The following SCAF1 variants were observed in gnomAD, a reference collection of about 807,000 sequenced individuals.
SCAF1 encodes the protein splicing factor, arginine/serine-rich 19.
In SCAF1, 28 loss-of-function variants were observed where a neutral mutation model predicts 91.2. The ratio of observed to expected loss-of-function variants is 0.31; its 90% CI spans 0.23 to 0.42. The LOEUF is 0.42. Ranked by LOEUF, SCAF1 falls within the 10% of genes least tolerant of loss-of-function variation. The pLI, the probability that SCAF1 is intolerant of heterozygous loss-of-function variation, is 1.00. For missense variants in SCAF1, 1,893 were observed against 1,872.1 expected (o/e 1.01, Z -0.21); for synonymous variants, 1,036 against 833.7 (o/e 1.24, Z -4.18).
rs2081117163 is a variant in SCAF1 at position 49,653,473 on chromosome 19, A to G, written c.3084A>G (p.Glu1028=). The G allele has an allele frequency of 1.9e-6, 3 of 1,555,624 alleles. No individual in the cohort carries two copies. The highest frequency in any genetic ancestry group is 1.4e-5 in the African/African-American group (1 of 73,994). The stretch of plus-strand genomic sequence containing the variant: ...GGGCGGAGGAGGAGGAGGAGGAAGA[A>G]GAAGAGGAGGAGGAAGAGGAAGAGG... ...RGGAEEEEEE[E]EEEEEEEEEE... The change falls in exon 7 of 11, where the codon GAA becomes GAG. Residue 1028 remains glutamate, a synonymous_variant. Transcript: ENST00000360565.
intron 8 of SCAF1, 38 bp from the exon 9 acceptor site, chr19:49,654,614 C>T: frequency 6.6e-7 from 1 of 1,517,726 alleles, no homozygotes; most frequent in Non-Finnish European, 9.1e-7. Context: ...TCCCCTCCAC[C>T]TCCCTTTACT....
chr19:49,653,047 G>A lies in SCAF1; in HGVS notation c.2658G>A (p.Glu886=). ...FLKPDERAPT[E]MAKAAPGSTK... ...AACCTGACGAGCGGGCCCCCACTGA[G>A]ATGGCCAAAGCAGCTCCGGGCAGCA... is the stretch of plus-strand genomic sequence containing the variant. The change falls in exon 7 of 11, where the codon GAG becomes GAA. Residue 886 remains glutamate, a synonymous_variant. Transcript: ENST00000360565. The A allele has an allele frequency of 6.2e-7, 1 of 1,614,064 alleles. No individual in the cohort carries two copies.
At position 49,642,412 on chromosome 19, in the gene SCAF1, G is replaced by T. The variant is rs1476414251; in HGVS notation, c.-7+170G>T. ...TGCGGCGAAACCTGGCGCCGAGAGGGGGGCCTTCTCAGGGCCCCGGGACGC... is the reference window on the plus strand; with the variant it reads ...TGCGGCGAAACCTGGCGCCGAGAGGTGGGCCTTCTCAGGGCCCCGGGACGC... On this transcript the variant is annotated intron_variant, in intron 1 of 10. Transcript: ENST00000360565. The surrounding 1 kb of genome is among the most constrained non-coding windows in gnomAD (Gnocchi z 4.0). Among the ~76,000 whole-genome samples the T allele has an allele frequency of 6.6e-6, 1 of 152,176 alleles. No homozygotes were observed. Among genetic ancestry groups the T allele is most frequent in the Non-Finnish European group, 1.5e-5 (1 of 68,024 alleles).
rs564664475 is a variant in SCAF1 at position 49,656,082 on chromosome 19, T to C, written c.3618+1212T>C. Among the ~76,000 whole-genome samples, 12 of 152,376 alleles carry C rather than the reference T, an allele frequency of 7.9e-5. No individual in the cohort carries two copies. In the East Asian group the frequency reaches 2.3e-3, roughly 29 times the overall value. On this transcript the variant is annotated intron_variant, in intron 9 of 10. Coordinates refer to ENST00000360565, the MANE Select transcript of SCAF1 (RefSeq NM_021228.3). ...GCTGTATAAACCCCATTAAACATCC[T>C]GTGTGAGCCGCAGAGGCGGGGCTGC...
chr19:49,647,036 G>A (rs150196364), intron 6 of SCAF1, among the ~76,000 whole-genome samples: 176 of 152,344 alleles, frequency 1.2e-3, no homozygotes, highest in African/African-American at 4.1e-3. Context: ...AGTGGTCAGC[G>A]TGTGTGACAA....
At position 49,646,257 on chromosome 19, in the gene SCAF1, A is replaced by AT; in HGVS notation, c.261+56dup. 1 of 780,384 alleles carries AT rather than the reference A, an allele frequency of 1.3e-6. No individual in the cohort carries two copies. The highest frequency in any genetic ancestry group is 1.9e-6 in the Non-Finnish European group (1 of 518,028). The allele number at this position is 780,384 out of a possible 1,614,324, so 48.3% of individuals were successfully genotyped here. ...GCTCACGGGTATCAGGGAGGAAGGG[A>AT]TGGGGGCCTGAGTCTGGGGGAATGG... On this transcript the variant is annotated intron_variant, in intron 4 of 10. Transcript: ENST00000360565. The surrounding 1 kb of genome is among the most constrained non-coding windows in gnomAD (Gnocchi z 5.6).
At position 49,654,398 on chromosome 19, in the gene SCAF1, G is replaced by C. The variant is rs757808830; in HGVS notation, c.3366G>C (p.Ala1122=). ...KMEEANLASR[A]KAQELIQATN... ...AAGAAGCCAACCTGGCGAGCCGAGC[G>C]AAGGCCCAGGAGCTGATCCAGGCCA... is the stretch of plus-strand genomic sequence containing the variant. Residue 1122 remains alanine (A), a synonymous_variant, in exon 8 of 11, where the codon GCG becomes GCC. Coordinates refer to ENST00000360565, the MANE Select transcript of SCAF1 (RefSeq NM_021228.3). 3.1e-6 allele frequency: 5 copies of C among 1,613,474 alleles called. No homozygotes were observed. Among genetic ancestry groups the C allele is most frequent in the Non-Finnish European group, 4.2e-6 (5 of 1,179,992 alleles).
At position 49,646,791 on chromosome 19, in the gene SCAF1, C is replaced by T; in HGVS notation, c.439C>T (p.Leu147=). Residue 147 remains leucine, a synonymous_variant, in exon 6 of 11, where the codon CTG becomes TTG. Coordinates refer to ENST00000360565, the MANE Select transcript of SCAF1 (RefSeq NM_021228.3). The surrounding 1 kb of genome is among the most constrained non-coding windows in gnomAD (Gnocchi z 5.6). ...TCCCATCCCTCTGCCTGTGCCCAGC[C>T]TGCTGCCCCGTCTCAGGGCCTGGAG... ...RDPIPLPVPS[L]LPRLRAWRTG... 1 of 1,613,624 alleles carries T rather than the reference C, an allele frequency of 6.2e-7. No homozygotes were observed. Among genetic ancestry groups the T allele is most frequent in the South Asian group, 1.1e-5 (1 of 91,028 alleles).
chr19:49,655,435 C>T (rs893637732), intron 9 of SCAF1, among the ~76,000 whole-genome samples: 1 of 152,172 alleles, frequency 6.6e-6, no homozygotes, highest in African/African-American at 2.4e-5. Flanking sequence ...GGTGCCATCT[C>T]GGCTCACTGC....
At chr19:49,650,777 G>A (rs2081080341) in intron 6 of SCAF1, 91 bp from the exon 7 acceptor site, 2 of 982,400 alleles carry the variant, frequency 2.0e-6, no homozygotes, top group African/African-American at 3.3e-5. Flanking sequence ...AGGACCTGGT[G>A]GCCCAGGGAG....
At chr19:49,644,978 C>T in intron 1 of SCAF1, 43 bp from the exon 2 acceptor site, 2 of 1,429,192 alleles carry the variant, frequency 1.4e-6, no homozygotes, top group Non-Finnish European at 9.8e-7. Context: ...TCCATCCTTT[C>T]TCCCGGGACC....
intron 9 of SCAF1, among the ~76,000 whole-genome samples, chr19:49,656,912 C>T (rs745641646): frequency 9.2e-5 from 14 of 152,164 alleles, no homozygotes; most frequent in Non-Finnish European, 1.6e-4. Flanking sequence ...TCCAACACTT[C>T]GCAAGGCCGA....
rs750159980 is a variant in SCAF1 at position 49,651,106 on chromosome 19, T to A, written c.717T>A (p.Ser239=). 1.3e-5 allele frequency: 20 copies of A among 1,589,254 alleles called. No individual in the cohort carries two copies. The South Asian group carries it at 2.1e-4, about 17-fold the overall frequency. The change falls in exon 7 of 11, where the codon TCT becomes TCA. Residue 239 remains serine, a synonymous_variant. Coordinates refer to ENST00000360565, the MANE Select transcript of SCAF1 (RefSeq NM_021228.3). ...DPFHPTDEAY[S]PPPAPEQKYD... ...TCCACCCCACCGACGAGGCCTACTCTCCACCGCCTGCTCCGGAGCAAAAGT... is the reference window on the plus strand; with the variant it reads ...TCCACCCCACCGACGAGGCCTACTCACCACCGCCTGCTCCGGAGCAAAAGT...
rs563732230 is a variant in SCAF1 at position 49,658,375 on chromosome 19, G to A, written c.3915G>A (p.Pro1305=). The change falls in exon 11 of 11, where the codon CCG becomes CCA. Residue 1305 remains proline, a synonymous_variant. Transcript: ENST00000360565. ...KEPGPPDKGG[P]GLPLPPL ...CAGGGCCCCCAGACAAGGGTGGCCC[G>A]GGCCTGCCCCTGCCCCCTCTCTGAG... 38 of 1,553,292 alleles carry A rather than the reference G, an allele frequency of 2.4e-5. No homozygotes were observed. In the East Asian group the frequency reaches 6.0e-4, roughly 25 times the overall value.
Position 49,653,011 on chromosome 19 carries a change from C to T in SCAF1, c.2622C>T (p.Ser874=). Residue 874 remains serine, a synonymous_variant, in exon 7 of 11, where the codon TCC becomes TCT. Coordinates refer to ENST00000360565, the MANE Select transcript of SCAF1 (RefSeq NM_021228.3). ...TCAGCCGTGACCGCGAGAGTCGCTC[C>T]CCCTTCCTCAAACCTGACGAGCGGG... is the stretch of plus-strand genomic sequence containing the variant. The part of the protein sequence containing the change: ...VKFSRDRESR[S]PFLKPDERAP... 2 of 1,614,018 alleles carry T rather than the reference C, an allele frequency of 1.2e-6. No homozygotes were observed. Among genetic ancestry groups the T allele is most frequent in the Non-Finnish European group, 1.7e-6 (2 of 1,180,054 alleles).
Position 49,653,142 on chromosome 19 carries a change from C to T in SCAF1, c.2753C>T (p.Thr918Ile), listed in dbSNP as rs1296070171. ...AAAACCAAGGGGACCAAGGGAAAGACCAAGCCATCCAAGACCAGGAAAAAG... is the reference window on the plus strand; with the variant it reads ...AAAACCAAGGGGACCAAGGGAAAGATCAAGCCATCCAAGACCAGGAAAAAG... ...AKKTKGTKGKTKPSKTRKKVR... is the reference protein window; with the variant it reads ...AKKTKGTKGKIKPSKTRKKVR... The change falls in exon 7 of 11, where the codon ACC becomes ATC. Residue 918 changes from threonine (T) to isoleucine (I), a missense_variant. By Grantham distance (89) the Thr-to-Ile change is moderately conservative. Around this residue, in one of 5 missense-constraint regions of SCAF1, gnomAD observed 1,436 missense variants for 1,306.8 expected, o/e 1.10. Coordinates refer to ENST00000360565, the MANE Select transcript of SCAF1 (RefSeq NM_021228.3). The T allele has an allele frequency of 7.5e-6, 12 of 1,608,202 alleles. No homozygotes were observed. Among genetic ancestry groups the T allele is most frequent in the Non-Finnish European group, 1.0e-5 (12 of 1,177,522 alleles).
In SCAF1 at chr19:49,652,881, T is replaced by C. The variant is rs775858745; in HGVS notation, c.2492T>C (p.Val831Ala). The change falls in exon 7 of 11, where the codon GTG becomes GCG. Residue 831 changes from valine to alanine, a missense_variant. Val to Ala is a moderately conservative substitution (Grantham distance 64, BLOSUM62 0). Around this residue, in one of 5 missense-constraint regions of SCAF1, gnomAD observed 1,436 missense variants for 1,306.8 expected, o/e 1.10. Coordinates refer to ENST00000360565, the MANE Select transcript of SCAF1 (RefSeq NM_021228.3). Reference sequence around the variant, plus strand: ...TCGTCCTCCTGTTCTTCCCGGAAGGTGAAGCTGCAGTCCAAGGTGGCGGTG... The same window carrying C: ...TCGTCCTCCTGTTCTTCCCGGAAGGCGAAGCTGCAGTCCAAGGTGGCGGTG... ...SSSSSCSSRK[V>A]KLQSKVAVLI... is the part of the protein sequence containing the mutation. The C allele has an allele frequency of 1.9e-6, 3 of 1,613,822 alleles. No individual in the cohort carries two copies. Among genetic ancestry groups the C allele is most frequent in the Admixed American group, 3.3e-5 (2 of 60,012 alleles).
In SCAF1 at chr19:49,652,143, G is replaced by C. The variant is rs1427602537; in HGVS notation, c.1754G>C (p.Arg585Pro). Residue 585 changes from arginine to proline, a missense_variant, in exon 7 of 11, where the codon CGC becomes CCC. Coordinates refer to ENST00000360565, the MANE Select transcript of SCAF1 (RefSeq NM_021228.3). ...RSRSRSRSTR[R>P]RSRSTDRRRG... ...CGCTCCCGCTCCCGCTCCACCCGCC[G>C]CCGCTCGCGCAGCACCGACCGCCGC... The C allele has an allele frequency of 5.5e-6, 6 of 1,099,088 alleles. No homozygotes were observed. The highest frequency in any genetic ancestry group is 5.6e-6 in the Non-Finnish European group (5 of 899,704). The allele number at this position is 1,099,088 out of a possible 1,614,324, so 68.1% of individuals were successfully genotyped here. A position where few individuals can be genotyped will look rare whatever the true frequency, so the allele number is the denominator to read the frequency against.
At position 49,653,723 on chromosome 19, in the gene SCAF1, GA is replaced by G; in HGVS notation, c.3316+19del. On this transcript the variant is annotated intron_variant, in intron 7 of 10. Transcript: ENST00000360565. ...CCTGGCCTGTGAGTGTCCCCTGGGG[GA>G]GGGTGGTGCTGGGGCAGGTGAGACA... 6.6e-7 allele frequency: 1 copy of G among 1,514,442 alleles called. No individual in the cohort carries two copies. Among genetic ancestry groups the G allele is most frequent in the Non-Finnish European group, 8.8e-7 (1 of 1,136,824 alleles). The allele number at this position is 1,514,442 out of a possible 1,614,324, so 93.8% of individuals were successfully genotyped here.
Sources: allele counts gnomAD v4.1 joint callset (sites outside exome capture counted in the v4.1 genomes callset), GRCh38; gene constraint gnomAD v4.1.1; regional missense constraint gnomAD v4.1.1; non-coding constraint Gnocchi (gnomAD v3.1); transcripts MANE v1.5; gene names NCBI Gene and HGNC (gene_info 2026-07-23, HGNC 2026-07-21).